The following ST18 variants were observed in gnomAD, a reference collection of about 807,000 sequenced individuals.
ST18 encodes suppression of tumorigenicity 18 protein.
In ST18, 50 loss-of-function variants were observed where a neutral mutation model predicts 110.0. The ratio of observed to expected loss-of-function variants is 0.45; its 90% CI spans 0.36 to 0.58. The LOEUF (loss-of-function observed/expected upper bound fraction) is 0.58. ST18 is among the 20% of genes least tolerant of loss of function. The pLI is 0.00. For missense variants in ST18, 1,306 were observed against 1,280.1 expected, an observed-to-expected ratio of 1.02 and a Z score of -0.31; for synonymous variants, 461 against 452.4, an observed-to-expected ratio of 1.02 and a Z score of -0.24.
At chr8:52,206,747 T>C (rs1385950283) in intron 8 of ST18, 2 of 152,264 alleles carry the variant, frequency 1.3e-5, no homozygotes, top group African/African-American at 4.8e-5. Flanking sequence ...TGTTCAGGTC[T>C]GGCCTAGTAT....
chr8:52,247,181 A>G (rs888365830), intron 2 of ST18, among the ~76,000 whole-genome samples: 2 of 152,178 alleles, frequency 1.3e-5, no homozygotes, highest in African/African-American at 4.8e-5. Context: ...GAATCAGAAT[A>G]AAAGTCCAGT....
intron 3 of ST18, chr8:52,229,774 G>A (rs2090753158): frequency 1.3e-5 from 2 of 152,154 alleles, no homozygotes; most frequent in African/African-American, 4.8e-5. Flanking sequence ...TGTTAATTCT[G>A]AATGTCTTAC....
intron 2 of ST18, among the ~76,000 whole-genome samples, chr8:52,288,966 T>C (rs1469311609): frequency 4.6e-5 from 7 of 152,132 alleles, no homozygotes; most frequent in African/African-American, 1.7e-4. Flanking sequence ...ATGGCACGTG[T>C]GCAAGGTCCT....
At chr8:52,133,017 A>G (rs367908168) in intron 21 of ST18, 40 bp downstream of exon 21, 152 of 1,607,734 alleles carry the variant, frequency 9.5e-5, no homozygotes, top group Non-Finnish European at 1.2e-4. Flanking sequence ...TTTTACCAAC[A>G]AGAGACAGCT....
chr8:52,384,787 G>GTT (rs1835902714), intron 2 of ST18, among the ~76,000 whole-genome samples: 1 of 358 alleles, frequency 2.8e-3, no homozygotes, highest in South Asian at 0.25. Context: ...GTGTACACAG[G>GTT]TGTGTGTGTG....
intron 2 of ST18, among the ~76,000 whole-genome samples, chr8:52,268,531 CT>C (rs373292934): frequency 0.21 from 31,089 of 151,056 alleles, 3,795 homozygotes; most frequent in Middle Eastern, 0.38. Context: ...ATCTTACTAT[CT>C]ATCATCTATC....
chr8:52,180,480 G>C lies in ST18; in HGVS notation c.87-168C>G, dbSNP rs111565131. On this transcript the variant is annotated intron_variant, in intron 8 of 25. Coordinates refer to ENST00000689386, the MANE Select transcript of ST18 (RefSeq NM_001352837.2). ...TCCCATCTGTGGACTCCACTGAACTGTGTGGATTCTATTTTACTGCTTATC... is the reference window on the plus strand; with the variant it reads ...TCCCATCTGTGGACTCCACTGAACTCTGTGGATTCTATTTTACTGCTTATC... 1.5e-3 allele frequency among the ~76,000 whole-genome samples: 234 copies of C among 152,192 alleles called. 1 individual carries two copies. The highest frequency in any genetic ancestry group is 5.2e-3 in the African/African-American group (215 of 41,504).
At chr8:52,398,567 T>G (rs1841939374) in intron 2 of ST18, among the ~76,000 whole-genome samples, 1 of 152,154 alleles carries the variant, frequency 6.6e-6, no homozygotes, top group South Asian at 2.1e-4. Context: ...ATGGCTTTTA[T>G]TATGTTGAGG....
chr8:52,284,304 G>C (rs2095433525), intron 2 of ST18, among the ~76,000 whole-genome samples: 1 of 152,220 alleles, frequency 6.6e-6, no homozygotes, highest in Non-Finnish European at 1.5e-5. Context: ...GCCAGCGGCA[G>C]ACGCTTGAAC....
chr8:52,127,190 A>AT (rs911220853), intron 22 of ST18, among the ~76,000 whole-genome samples: 2 of 152,194 alleles, frequency 1.3e-5, no homozygotes, highest in African/African-American at 2.4e-5. Context: ...TAATTACTGT[A>AT]TTTTTTCAAG....
At chr8:52,143,725 A>C (rs1438549899) in intron 16 of ST18, among the ~76,000 whole-genome samples, 1 of 152,220 alleles carries the variant, frequency 6.6e-6, no homozygotes, top group Non-Finnish European at 1.5e-5. Flanking sequence ...AATTGTTTAT[A>C]TGTCCAGCAG....
intron 2 of ST18, among the ~76,000 whole-genome samples, chr8:52,271,568 C>G (rs2095078061): frequency 6.6e-6 from 1 of 152,186 alleles, no homozygotes. Context: ...AGTATGAGTA[C>G]CCACGTAGTT....
At chr8:52,342,535 T>C (rs1815577531) in intron 2 of ST18, among the ~76,000 whole-genome samples, 2 of 152,194 alleles carry the variant, frequency 1.3e-5, no homozygotes, top group South Asian at 2.1e-4. Context: ...GTAAAGTCTT[T>C]CATCAGATGT....
intron 2 of ST18, among the ~76,000 whole-genome samples, chr8:52,339,921 A>G (rs1814084625): frequency 6.6e-6 from 1 of 152,246 alleles, no homozygotes; most frequent in African/African-American, 2.4e-5. Context: ...AGCATTTTAA[A>G]TAATTTGCCA....
In ST18 at chr8:52,137,794, T is replaced by G. The variant is rs2053100247; in HGVS notation, c.2169-311A>C. ...GTTGTCAGTTAGCAATCAAAGATGT[T>G]TTAATTCATTTGAAAAATGTATATG... On this transcript the variant is annotated intron_variant, in intron 17 of 25. Coordinates refer to ENST00000689386, the MANE Select transcript of ST18 (RefSeq NM_001352837.2). 2.1e-5 allele frequency: 6 copies of G among 279,128 alleles called. No homozygotes were observed. In the South Asian group the frequency reaches 3.6e-4, roughly 17 times the overall value. The allele number at this position is 279,128 out of a possible 1,614,324, so 17.3% of individuals were successfully genotyped here.
At chr8:52,125,800 G>C in intron 23 of ST18, 1 of 431,294 alleles carries the variant, frequency 2.3e-6, no homozygotes, top group Non-Finnish European at 4.1e-6. Context: ...AACCACAAGT[G>C]TATCTTAATC....
chr8:52,338,788 G>C (rs546767368), intron 2 of ST18, among the ~76,000 whole-genome samples: 12 of 151,836 alleles, frequency 7.9e-5, no homozygotes, highest in Admixed American at 7.9e-4. Flanking sequence ...ACCCAGGCTA[G>C]AGTGCAGTGC....
rs2062560971 is a variant in ST18, at chr8:52,165,206, A to G, written c.1224T>C (p.Asn408=). ...ATCCCGGCGTGGGACACTTGAGCAC[A>G]TTTTCATGCATGGCAAGAACTAAGC... is the stretch of plus-strand genomic sequence containing the variant. ...VPLEILAMHE[N]VLKCPTPGCT... is the part of the protein sequence containing the mutation. The change falls in exon 12 of 26, where the codon AAT becomes AAC. Residue 408 remains asparagine (N), a synonymous_variant. Transcript: ENST00000689386. 2 of 1,614,178 alleles carry G rather than the reference A, an allele frequency of 1.2e-6. No homozygotes were observed.
intron 8 of ST18, among the ~76,000 whole-genome samples, chr8:52,191,715 G>T (rs2074555707): frequency 6.6e-6 from 1 of 152,172 alleles, no homozygotes; most frequent in Admixed American, 6.6e-5. Flanking sequence ...TCTTCCCAAT[G>T]GGCAGAGATA....
Sources: gnomAD v4.1 joint callset for allele counts (sites outside exome capture counted in the v4.1 genomes callset) on GRCh38, gnomAD v4.1.1 for gene constraint, MANE v1.5 for transcripts, NCBI Gene and HGNC (gene_info 2026-07-23, HGNC 2026-07-21) for gene names.